Variants in RBMS3 observed in about 807,000 individuals in gnomAD.
The protein encoded by RBMS3 is RNA binding motif single stranded interacting protein 3.
RBMS3 carries 27 observed loss-of-function variants against 66.8 expected under a neutral mutation model. The ratio of observed to expected loss-of-function variants is 0.40; its 90% CI spans 0.30 to 0.56. The LOEUF is 0.56. RBMS3 is among the 20% of genes least tolerant of loss of function. The pLI is 0.40. For synonymous variants in RBMS3, 188 were observed against 183.0 expected (o/e 1.03, Z -0.22); for missense variants, 513 against 549.5 (o/e 0.93, Z 0.66).
At chr3:29,334,172 A>G (rs1434292403) in intron 1 of RBMS3, among the ~76,000 whole-genome samples, 1 of 152,212 alleles carries the variant, frequency 6.6e-6, no homozygotes. Context: ...GTGAACAATA[A>G]CAGTAAAGTC....
At chr3:29,493,951 G>T (rs576150488) in intron 3 of RBMS3, among the ~76,000 whole-genome samples, 10 of 152,294 alleles carry the variant, frequency 6.6e-5, no homozygotes, top group African/African-American at 1.9e-4. Flanking sequence ...ATTGGATTTG[G>T]TCTTCTCTGT....
At chr3:29,938,655 G>A (rs2061323828) in intron 11 of RBMS3, among the ~76,000 whole-genome samples, 1 of 151,920 alleles carries the variant, frequency 6.6e-6, no homozygotes, top group South Asian at 2.1e-4. Context: ...GGCATTTGGA[G>A]TGACTATTAT....
At chr3:29,507,164 G>T (rs2044213069) in intron 3 of RBMS3, among the ~76,000 whole-genome samples, 2 of 150,158 alleles carry the variant, frequency 1.3e-5, no homozygotes. Context: ...TTTAACATTA[G>T]GATATCTCTT....
intron 3 of RBMS3, among the ~76,000 whole-genome samples, chr3:29,539,959 T>C (rs1038170348): frequency 2.0e-5 from 3 of 152,212 alleles, no homozygotes; most frequent in Non-Finnish European, 4.4e-5. Context: ...TTAGCAATAC[T>C]TATCATTCAA....
chr3:29,666,970 C>T (rs777296251), intron 4 of RBMS3, among the ~76,000 whole-genome samples: 2 of 151,756 alleles, frequency 1.3e-5, no homozygotes, highest in East Asian at 1.9e-4. Flanking sequence ...CCAAATAGGG[C>T]GAAAAAGAAT....
intron 1 of RBMS3, among the ~76,000 whole-genome samples, chr3:29,428,306 G>A (rs2041042108): frequency 1.3e-5 from 2 of 152,072 alleles, no homozygotes; most frequent in African/African-American, 4.8e-5. Context: ...GCATCTAGTA[G>A]GGAGAGGACA....
intron 4 of RBMS3, among the ~76,000 whole-genome samples, chr3:29,700,367 C>G (rs2052505010): frequency 6.6e-6 from 1 of 152,164 alleles, no homozygotes; most frequent in Non-Finnish European, 1.5e-5. Flanking sequence ...TGTGTACGGT[C>G]TGAATCCTTT....
In RBMS3 at chr3:29,384,429, T is replaced by TAAGAAGAAGAAGAAGAAGAAGAAGAAG. The variant is rs1336272827; in HGVS notation, c.76-50312_76-50311insGAAGAAGAAGAAGAAGAAGAAGAAGAA. On this transcript the variant is annotated intron_variant, in intron 1 of 14. Transcript: ENST00000383767. The stretch of plus-strand genomic sequence containing the variant: ...TAAACATATACACCAATAATAATAA[T>TAAGAAGAAGAAGAAGAAGAAGAAGAAG]AATAATAAGAAGAAGAAGAAGAAGA... Among the ~76,000 whole-genome samples the TAAGAAGAAGAAGAAGAAGAAGAAGAAG allele has an allele frequency of 2.8e-3, 264 of 95,944 alleles. 1 individual carries two copies. The highest frequency in any genetic ancestry group is 8.6e-3 in the African/African-American group (244 of 28,382). The allele number at this position is 95,944 out of a possible 152,430, so 62.9% of individuals were successfully genotyped here.
intron 4 of RBMS3, chr3:29,698,290 G>A (rs2052373534): frequency 1.0e-6 from 1 of 985,388 alleles, no homozygotes; most frequent in Non-Finnish European, 1.2e-6. Context: ...GTAGTCCCTG[G>A]TGAGGGAGGC....
Position 29,330,220 on chromosome 3 carries a change from C to T in RBMS3, c.75+48464C>T, listed in dbSNP as rs149925865. Among the ~76,000 whole-genome samples, 38 of 152,120 alleles carry T rather than the reference C, an allele frequency of 2.5e-4. No homozygotes were observed. The East Asian group carries it at 6.2e-3, about 25-fold the overall frequency. On this transcript the variant is annotated intron_variant, in intron 1 of 14. Transcript: ENST00000383767. ...TTGAATATACCACTGTGTGGGATTG[C>T]GGTCTCTATTTCTCCACACTACAAA...
chr3:29,957,106 G>A (rs1200758747), intron 12 of RBMS3, among the ~76,000 whole-genome samples: 1 of 152,186 alleles, frequency 6.6e-6, no homozygotes, highest in South Asian at 2.1e-4. Context: ...CTTCTTGGAA[G>A]GTTGCCTTAT....
At chr3:29,338,418 GA>G (rs1291690703) in intron 1 of RBMS3, among the ~76,000 whole-genome samples, 1 of 152,128 alleles carries the variant, frequency 6.6e-6, no homozygotes, top group African/African-American at 2.4e-5. Flanking sequence ...CTACAGAATA[GA>G]ATCTCTCCTG....
intron 10 of RBMS3, among the ~76,000 whole-genome samples, chr3:29,929,213 T>A (rs1692174456): frequency 6.6e-6 from 1 of 152,188 alleles, no homozygotes; most frequent in South Asian, 2.1e-4. Flanking sequence ...AATCTCAAAT[T>A]TTCAACTCTC....
At chr3:29,648,421 C>T (rs9310907) in intron 4 of RBMS3, among the ~76,000 whole-genome samples, 17,126 of 151,268 alleles carry the variant, frequency 0.11, 1,122 homozygotes, top group East Asian at 0.3. Flanking sequence ...TACAGGTGTG[C>T]GCCACTACAC....
At chr3:29,318,949 C>T (rs1045615682) in intron 1 of RBMS3, among the ~76,000 whole-genome samples, 11 of 151,830 alleles carry the variant, frequency 7.2e-5, no homozygotes, top group African/African-American at 2.4e-4. Flanking sequence ...TTTTGAAGAA[C>T]AAGTGGGATT....
chr3:29,449,772 A>G (rs577238834), intron 2 of RBMS3, among the ~76,000 whole-genome samples: 1 of 152,230 alleles, frequency 6.6e-6, no homozygotes, highest in Admixed American at 6.5e-5. Flanking sequence ...GTATCCCAAC[A>G]TACTTCAAAA....
At chr3:29,844,338 G>A (rs912286020) in intron 6 of RBMS3, among the ~76,000 whole-genome samples, 10 of 152,142 alleles carry the variant, frequency 6.6e-5, no homozygotes, top group Non-Finnish European at 1.3e-4. Context: ...GCAGTGGAGA[G>A]TTACAACTTA....
chr3:29,922,893 C>G (rs1015234753), intron 10 of RBMS3, among the ~76,000 whole-genome samples: 1 of 152,040 alleles, frequency 6.6e-6, no homozygotes, highest in Non-Finnish European at 1.5e-5. Flanking sequence ...GATAAGCTGG[C>G]GGTGTAAACA....
At chr3:29,295,316 C>CAT (rs1275197190) in intron 1 of RBMS3, among the ~76,000 whole-genome samples, 241 of 91,070 alleles carry the variant, frequency 2.6e-3, no homozygotes, top group Non-Finnish European at 4.5e-3. Context: ...TATATATATA[C>CAT]ATATATATAT....
Sources: gnomAD v4.1 joint callset for allele counts (sites outside exome capture counted in the v4.1 genomes callset) on GRCh38, gnomAD v4.1.1 for gene constraint, MANE v1.5 for transcripts, NCBI Gene and HGNC (gene_info 2026-07-23, HGNC 2026-07-21) for gene names.